The following GCNT1 variants were observed in gnomAD, a reference collection of about 807,000 sequenced individuals.
GCNT1 encodes beta-1,3-galactosyl-O-glycosyl-glycoprotein beta-1,6-N-acetylglucosaminyltransferase.
GCNT1 carries 16 observed loss-of-function variants against 26.2 expected under a neutral mutation model. That is an observed-to-expected ratio of 0.61 (90% confidence interval 0.41 to 0.93). GCNT1 has a LOEUF of 0.93. Ranked by LOEUF, GCNT1 falls within the 40% of genes least tolerant of loss-of-function variation. The pLI, the probability that GCNT1 is intolerant of heterozygous loss-of-function variation, is 0.00. For synonymous variants in GCNT1, 183 were observed against 190.8 expected (o/e 0.96, Z 0.34); for missense variants, 477 against 526.7 (o/e 0.91, Z 0.92).
intron 1 of GCNT1, among the ~76,000 whole-genome samples, chr9:76,422,321 G>A (rs994393491): frequency 2.6e-5 from 4 of 151,858 alleles, no homozygotes; most frequent in Middle Eastern, 3.2e-3. Flanking sequence ...CACCCGCCTC[G>A]GCCTCCCAAA....
At position 76,503,795 on chromosome 9, in the gene GCNT1, T is replaced by G. The variant is rs1825161530; in HGVS notation, c.*127T>G. 3 of 722,084 alleles carry G rather than the reference T, an allele frequency of 4.2e-6. No homozygotes were observed. Among genetic ancestry groups the G allele is most frequent in the Non-Finnish European group, 7.3e-6 (3 of 413,326 alleles). The allele number at this position is 722,084 out of a possible 1,614,324, so 44.7% of individuals were successfully genotyped here. ...TTTGGGGCAGGGACTCTAGTAGATC[T>G]TCTTGTCAGAGAAGCTGCATGGTTT... On this transcript the variant is annotated 3_prime_UTR_variant, in exon 4 of 4. Coordinates refer to ENST00000376730, the MANE Select transcript of GCNT1 (RefSeq NM_001490.5).
chr9:76,506,294 A>G lies in GCNT1; in HGVS notation c.*2626A>G. 6.0e-6 allele frequency: 1 copy of G among 167,026 alleles called. No individual in the cohort carries two copies. The highest frequency in any genetic ancestry group is 1.9e-4 in the East Asian group (1 of 5,202). 10.3% of individuals were successfully genotyped at this position (167,026 alleles called of 1,614,324 possible). ...CACATTCACAAATTAGAAGTCAAAC[A>G]TGGCCAGGCACAGTGGCTCACACCT... On this transcript the variant is annotated 3_prime_UTR_variant, in exon 4 of 4. Transcript: ENST00000376730.
the GCNT1 span, among the ~76,000 whole-genome samples, chr9:76,413,678 T>G: frequency 9.3e-5 from 14 of 150,164 alleles, no homozygotes; most frequent in East Asian, 5.8e-4. Context: ...GTTTTTTTTT[T>G]TTTTTTGGCA....
chr9:76,428,302 A>AAG (rs999610584), intron 1 of GCNT1, among the ~76,000 whole-genome samples: 9 of 149,428 alleles, frequency 6.0e-5, no homozygotes, highest in African/African-American at 9.9e-5. Context: ...TAAAAAAAAA[A>AAG]AGAGAGAGAG....
intron 2 of GCNT1, among the ~76,000 whole-genome samples, chr9:76,465,685 G>GTGC (rs1823978531): frequency 6.6e-6 from 1 of 152,228 alleles, no homozygotes; most frequent in African/African-American, 2.4e-5. Context: ...TGAACAAACA[G>GTGC]TGCTTTTGCA....
At chr9:76,448,165 C>T (rs1454333047) in intron 1 of GCNT1, among the ~76,000 whole-genome samples, 1 of 152,070 alleles carries the variant, frequency 6.6e-6, no homozygotes, top group African/African-American at 2.4e-5. Context: ...TATATATATA[C>T]ACACAGCCAG....
At chr9:76,480,463 CGATATT>C (rs1824393383) in intron 2 of GCNT1, among the ~76,000 whole-genome samples, 1 of 152,072 alleles carries the variant, frequency 6.6e-6, no homozygotes, top group Non-Finnish European at 1.5e-5. Context: ...GCCATTTTCA[CGATATT>C]GATTCTTTTC....
intron 2 of GCNT1, among the ~76,000 whole-genome samples, chr9:76,488,072 C>T (rs190000113): frequency 1.3e-5 from 2 of 152,308 alleles, no homozygotes; most frequent in East Asian, 1.9e-4. Context: ...AGTAGCTGGA[C>T]AGTAGCTGGA....
chr9:76,506,913 C>A lies in GCNT1; in HGVS notation c.*3245C>A, dbSNP rs960914631. ...TTGTTCAGAAAAATAAAAATAATTT[C>A]TCATATTAAATACAGACGCTCCTCA... On this transcript the variant is annotated 3_prime_UTR_variant, in exon 4 of 4. Transcript: ENST00000376730. The A allele has an allele frequency of 6.0e-6, 1 of 166,930 alleles. No individual in the cohort carries two copies. Among genetic ancestry groups the A allele is most frequent in the Non-Finnish European group, 1.5e-5 (1 of 68,092 alleles). The allele number at this position is 166,930 out of a possible 1,614,324, so 10.3% of individuals were successfully genotyped here.
At chr9:76,406,023 C>T in the GCNT1 span, among the ~76,000 whole-genome samples, 3 of 152,204 alleles carry the variant, frequency 2.0e-5, no homozygotes, top group South Asian at 6.2e-4. Flanking sequence ...TTAAGGAGAG[C>T]TCCTGTTGCT....
intron 2 of GCNT1, among the ~76,000 whole-genome samples, chr9:76,499,351 C>A (rs1269316876): frequency 6.6e-6 from 1 of 152,130 alleles, no homozygotes; most frequent in Non-Finnish European, 1.5e-5. Context: ...TGATCTCAAA[C>A]TCCTGACCTC....
chr9:76,468,796 A>G (rs1824063419), intron 2 of GCNT1, among the ~76,000 whole-genome samples: 1 of 152,202 alleles, frequency 6.6e-6, no homozygotes, highest in Admixed American at 6.5e-5. Context: ...TCTTACAGTG[A>G]ATTACTTTTC....
chr9:76,397,111 G>A, the GCNT1 span, among the ~76,000 whole-genome samples: 1 of 152,116 alleles, frequency 6.6e-6, no homozygotes, highest in Admixed American at 6.5e-5. Context: ...GCAAAACTCG[G>A]TCTCTACTAA....
At position 76,502,932 on chromosome 9, in the gene GCNT1, G is replaced by A. The variant is rs1297582604; in HGVS notation, c.551G>A (p.Ser184Asn). ...SNVFVASRLE[S>N]VVYASWSRVQ... ...GTCTTTGTGGCCAGCCGATTGGAGA[G>A]TGTGGTTTATGCATCGTGGAGCCGG... The change falls in exon 4 of 4, where the codon AGT becomes AAT. Residue 184 changes from serine to asparagine, a missense_variant. By Grantham distance (46) the Ser-to-Asn change is conservative. Transcript: ENST00000376730. 2 of 1,613,200 alleles carry A rather than the reference G, an allele frequency of 1.2e-6. No homozygotes were observed. The highest frequency in any genetic ancestry group is 2.7e-5 in the African/African-American group (2 of 74,926).
Position 76,432,075 on chromosome 9 carries a change from C to T in GCNT1, n.38+12188C>T, listed in dbSNP as rs370610059. 2.0e-5 allele frequency among the ~76,000 whole-genome samples: 3 copies of T among 151,956 alleles called. No homozygotes were observed. The East Asian group carries it at 5.8e-4, about 29-fold the overall frequency. ...AGCAAGCTGAGATTGCACCACTGCA[C>T]TCCAGCCTGGGCAACAGAGCAAAAT... On this transcript the variant is annotated intron_variant and non_coding_transcript_variant, in intron 1 of 3. Coordinates refer to the GCNT1 transcript ENST00000488136.
chr9:76,457,792 G>T (rs906211559), upstream of GCNT1, among the ~76,000 whole-genome samples: 3 of 152,006 alleles, frequency 2.0e-5, no homozygotes, highest in Non-Finnish European at 2.9e-5. Flanking sequence ...AATTATGCTT[G>T]AATTGCTCAT....
intron 2 of GCNT1, among the ~76,000 whole-genome samples, chr9:76,484,752 C>T (rs1034483277): frequency 4.0e-5 from 6 of 150,672 alleles, no homozygotes; most frequent in Non-Finnish European, 7.4e-5. Flanking sequence ...ATTACTATAG[C>T]CATGTATAAA....
chr9:76,499,786 G>A (rs977599565), intron 2 of GCNT1, among the ~76,000 whole-genome samples: 21 of 151,680 alleles, frequency 1.4e-4, no homozygotes, highest in African/African-American at 4.8e-4. Flanking sequence ...ACATTAGTGT[G>A]GTACATTTTT....
rs1184497656 is a variant in GCNT1, at chr9:76,503,373, A to C, written c.992A>C (p.Glu331Ala). The change falls in exon 4 of 4, where the codon GAA becomes GCA. Residue 331 changes from glutamate to alanine, a missense_variant. Coordinates refer to ENST00000376730, the MANE Select transcript of GCNT1 (RefSeq NM_001490.5). ...YLWATIQRIP[E>A]VPGSLPASHK... ...TGGGCCACCATCCAAAGGATTCCTGAAGTCCCGGGCTCACTCCCTGCCAGC... is the reference window on the plus strand; with the variant it reads ...TGGGCCACCATCCAAAGGATTCCTGCAGTCCCGGGCTCACTCCCTGCCAGC... The C allele has an allele frequency of 1.2e-6, 2 of 1,614,160 alleles. No individual in the cohort carries two copies. The highest frequency in any genetic ancestry group is 2.2e-5 in the South Asian group (2 of 91,082).
Sources: gnomAD v4.1 joint callset for allele counts (sites outside exome capture counted in the v4.1 genomes callset) on GRCh38, gnomAD v4.1.1 for gene constraint, MANE v1.5 for transcripts, NCBI Gene and HGNC (gene_info 2026-07-23, HGNC 2026-07-21) for gene names.